Variants in TMEM132E observed in about 807,000 individuals in gnomAD.
TMEM132E encodes transmembrane protein 132E.
A neutral mutation model predicts 78.5 loss-of-function variants in TMEM132E; 49 were observed. The ratio of observed to expected loss-of-function variants is 0.62; its 90% confidence interval spans 0.50 to 0.79. The LOEUF is 0.79. Among genes scored for constraint, TMEM132E ranks in the 30% least tolerant of loss-of-function variants. The pLI is 0.00. For synonymous variants in TMEM132E, 715 were observed against 670.6 expected (o/e 1.07, Z -1.02); for missense variants, 1,403 against 1,470.9 (o/e 0.95, Z 0.75).
chr17:34,627,477 T>TGCGCGCACGCGCGCGCGCGC (rs764096160), intron 2 of TMEM132E, among the ~76,000 whole-genome samples: 7 of 149,474 alleles, frequency 4.7e-5, no homozygotes, highest in African/African-American at 1.8e-4. Flanking sequence ...CGTGTGTGTG[T>TGCGCGCACGCGCGCGCGCGC]GTGTGTGTGT....
chr17:34,582,257 A>G (rs1905516929), intron 1 of TMEM132E, among the ~76,000 whole-genome samples: 1 of 151,800 alleles, frequency 6.6e-6, no homozygotes, highest in South Asian at 2.1e-4. Context: ...GCATTGGTGG[A>G]GCGCCCTCGG....
intron 1 of TMEM132E, among the ~76,000 whole-genome samples, chr17:34,603,453 C>T (rs1372693054): frequency 6.6e-6 from 1 of 152,174 alleles, no homozygotes; most frequent in Non-Finnish European, 1.5e-5. Flanking sequence ...AGTATGACTC[C>T]CAGGCTCAAC....
chr17:34,626,686 C>A lies in TMEM132E; in HGVS notation c.627C>A (p.Pro209=), dbSNP rs1054718646. 2.1e-6 allele frequency: 3 copies of A among 1,398,294 alleles called. No individual in the cohort carries two copies. Among genetic ancestry groups the A allele is most frequent in the Admixed American group, 3.0e-5 (1 of 33,874 alleles). The allele number at this position is 1,398,294 out of a possible 1,614,324, so 86.6% of individuals were successfully genotyped here. The change falls in exon 2 of 9, where the codon CCC becomes CCA. Residue 209 remains proline, a synonymous_variant. Transcript: ENST00000631683. ...GGCCCCCAGCCCCCGCTGCGCCACC[C>A]ACGGCCCGCCGCAAGTCCCCGGACG... ...WFGPPAPAAP[P]TARRKSPDGL... is the part of the protein sequence containing the mutation.
At chr17:34,608,470 G>C (rs1028315751) in intron 1 of TMEM132E, among the ~76,000 whole-genome samples, 1 of 152,106 alleles carries the variant, frequency 6.6e-6, no homozygotes, top group Non-Finnish European at 1.5e-5. Context: ...TAAACCACTC[G>C]GCACATGCAA....
intron 1 of TMEM132E, among the ~76,000 whole-genome samples, chr17:34,604,877 C>G (rs1906362388): frequency 6.6e-6 from 1 of 152,218 alleles, no homozygotes; most frequent in South Asian, 2.1e-4. Flanking sequence ...CTGGATGTTA[C>G]TGTTGTCAGC....
At position 34,637,932 on chromosome 17, in the gene TMEM132E, G is replaced by C. The variant is rs183101959; in HGVS notation, c.2925G>C (p.Ser975=). 24 of 1,605,818 alleles carry C rather than the reference G, an allele frequency of 1.5e-5. No individual in the cohort carries two copies. In the Admixed American group the frequency reaches 2.7e-4, roughly 18 times the overall value. Residue 975 remains serine (S), a synonymous_variant, in exon 9 of 9, where the codon TCG becomes TCC. Transcript: ENST00000631683. The stretch of plus-strand genomic sequence containing the variant: ...GCGACCACCACAGCAGCGGCAGCTC[G>C]CAGACCAGCGTCCAGAGCCAGGTGC... ...CHGDHHSSGS[S]QTSVQSQVHG...
Position 34,628,995 on chromosome 17 carries a change from C to T in TMEM132E, c.1146-17C>T. On this transcript the variant is annotated splice_polypyrimidine_tract_variant and intron_variant, in intron 3 of 8. Transcript: ENST00000631683. The stretch of plus-strand genomic sequence containing the variant: ...GCCCTTCATCCTCTGCTCTCCTTCC[C>T]TCCCCTACCCTGGCAGGGAGGGCCA... 6.5e-7 allele frequency: 1 copy of T among 1,537,904 alleles called. No individual in the cohort carries two copies. The highest frequency in any genetic ancestry group is 8.8e-7 in the Non-Finnish European group (1 of 1,139,836).
rs1907263114 is a variant in TMEM132E, at chr17:34,629,184, G to T, written c.1318G>T (p.Ala440Ser). The T allele has an allele frequency of 6.2e-7, 1 of 1,613,966 alleles. No homozygotes were observed. The highest frequency in any genetic ancestry group is 1.1e-5 in the South Asian group (1 of 91,074). The change falls in exon 4 of 9, where the codon GCC becomes TCC. Residue 440 changes from alanine to serine, a missense_variant. Coordinates refer to ENST00000631683, the MANE Select transcript of TMEM132E (RefSeq NM_001304438.2). ...ELTVIQRDVQ[A>S]ILPLAMDTEI... ...GACGGTCATTCAGCGGGATGTGCAAGCCATCCTGCCCCTGGCCATGGTGAG... is the reference window on the plus strand; with the variant it reads ...GACGGTCATTCAGCGGGATGTGCAATCCATCCTGCCCCTGGCCATGGTGAG...
In TMEM132E at chr17:34,635,565, TA is replaced by T. The variant is rs533442656; in HGVS notation, c.1978-436del. On this transcript the variant is annotated intron_variant, in intron 7 of 8. Transcript: ENST00000631683. The stretch of plus-strand genomic sequence containing the variant: ...GTTTTAAATTGGGAGATTTCTCATT[TA>T]AAAAATATATAGAGATTTCTGGTTT... Among the ~76,000 whole-genome samples, 14 of 152,334 alleles carry T rather than the reference TA, an allele frequency of 9.2e-5. No homozygotes were observed. The South Asian group carries it at 2.3e-3, about 25-fold the overall frequency.
intron 1 of TMEM132E, among the ~76,000 whole-genome samples, chr17:34,618,875 A>C (rs1906865714): frequency 6.6e-6 from 1 of 152,178 alleles, no homozygotes; most frequent in South Asian, 2.1e-4. Context: ...AGCAGAAATG[A>C]CCTGCTAGGT....
chr17:34,584,506 G>A (rs533493842), intron 1 of TMEM132E, among the ~76,000 whole-genome samples: 4 of 152,298 alleles, frequency 2.6e-5, no homozygotes, highest in Non-Finnish European at 4.4e-5. Flanking sequence ...GGTATACATG[G>A]GCATGCTTAC....
At chr17:34,611,532 T>C (rs1906594064) in intron 1 of TMEM132E, among the ~76,000 whole-genome samples, 1 of 152,022 alleles carries the variant, frequency 6.6e-6, no homozygotes, top group Non-Finnish European at 1.5e-5. Context: ...AATCAATCAA[T>C]ATCGTGCCAA....
At chr17:34,587,335 C>A (rs949253449) in intron 1 of TMEM132E, among the ~76,000 whole-genome samples, 46 of 152,186 alleles carry the variant, frequency 3.0e-4, no homozygotes, top group African/African-American at 1.1e-3. Flanking sequence ...GCGGCAACCT[C>A]TCTCTTTTTC....
chr17:34,637,039 C>G, intron 8 of TMEM132E, 138 bp from the exon 9 acceptor site: 1 of 743,056 alleles, frequency 1.3e-6, no homozygotes, highest in Non-Finnish European at 2.2e-6. Flanking sequence ...CCACAGGTCA[C>G]AGGCACAGTT....
chr17:34,594,424 A>G (rs1279506649), intron 1 of TMEM132E, among the ~76,000 whole-genome samples: 1 of 152,186 alleles, frequency 6.6e-6, no homozygotes, highest in Non-Finnish European at 1.5e-5. Flanking sequence ...TCTTGGAAAT[A>G]TTGCTTAAAT....
chr17:34,622,706 C>A (rs890751001), intron 1 of TMEM132E, among the ~76,000 whole-genome samples: 1 of 152,194 alleles, frequency 6.6e-6, no homozygotes, highest in Non-Finnish European at 1.5e-5. Flanking sequence ...GAATTTCATT[C>A]TTTCAACAAA....
chr17:34,614,451 A>G (rs1193894738), intron 1 of TMEM132E: 1 of 152,218 alleles, frequency 6.6e-6, no homozygotes, highest in Non-Finnish European at 1.5e-5. Context: ...TTCAGAAATA[A>G]AAGAGCTGTT....
chr17:34,636,202 A>C lies in TMEM132E; in HGVS notation c.2169+4A>C. On this transcript the variant is annotated splice_donor_region_variant and intron_variant, in intron 8 of 8. Coordinates refer to ENST00000631683, the MANE Select transcript of TMEM132E (RefSeq NM_001304438.2). Reference sequence around the variant, plus strand: ...GACCTTGAGCTTCCTCAAGCAGGTAACTGGCTCCTTGGCCCACCAGCCAGG... The same window carrying C: ...GACCTTGAGCTTCCTCAAGCAGGTACCTGGCTCCTTGGCCCACCAGCCAGG... 6.7e-7 allele frequency: 1 copy of C among 1,483,044 alleles called. No homozygotes were observed. Among genetic ancestry groups the C allele is most frequent in the East Asian group, 2.6e-5 (1 of 37,938 alleles). 91.9% of individuals were successfully genotyped at this position (1,483,044 alleles called of 1,614,324 possible).
Position 34,638,270 on chromosome 17 carries a change from C to T in TMEM132E, c.*38C>T, listed in dbSNP as rs764781047. 2.8e-6 allele frequency: 4 copies of T among 1,440,502 alleles called. No individual in the cohort carries two copies. The South Asian group carries it at 5.6e-5, about 20-fold the overall frequency. 89.2% of individuals were successfully genotyped at this position (1,440,502 alleles called of 1,614,324 possible). ...GAGTAGCAGGGACCCCCCCCCCCAA[C>T]GGGGTCAGCTCGGGGTAGGACACAG... On this transcript the variant is annotated 3_prime_UTR_variant, in exon 9 of 9. Transcript: ENST00000631683.
Sources: allele counts gnomAD v4.1 joint callset (sites outside exome capture counted in the v4.1 genomes callset), GRCh38; gene constraint gnomAD v4.1.1; transcripts MANE v1.5; gene names NCBI Gene and HGNC (gene_info 2026-07-23, HGNC 2026-07-21).